Variants in CCDC83 observed in about 807,000 individuals in gnomAD.
The protein encoded by CCDC83 is coiled-coil domain containing 83.
Under a neutral mutation model 50.1 loss-of-function variants are expected in CCDC83, and 54 were observed. That is an observed-to-expected ratio of 1.08 (90% CI 0.87 to 1.35). CCDC83 has a LOEUF of 1.35. Among genes scored for constraint, CCDC83 ranks in the 40% most tolerant of loss-of-function variants. CCDC83 has a pLI of 0.00. For missense variants in CCDC83, 518 were observed against 473.9 expected, an observed-to-expected ratio of 1.09 and a Z score of -0.86; for synonymous variants, 161 against 153.3, an observed-to-expected ratio of 1.05 and a Z score of -0.37.
intron 5 of CCDC83, 140 bp downstream of exon 5, chr11:85,886,507 A>G (rs1205607749): frequency 3.6e-6 from 2 of 560,398 alleles, no homozygotes; most frequent in East Asian, 7.0e-5. Flanking sequence ...CTAAGGGTAA[A>G]GGTGGAGGGA....
intron 7 of CCDC83, among the ~76,000 whole-genome samples, chr11:85,908,600 TA>T (rs2093436864): frequency 7.6e-6 from 1 of 131,280 alleles, no homozygotes; most frequent in Admixed American, 7.8e-5. Flanking sequence ...GATAGATAGA[TA>T]GATAGATAGA....
In CCDC83 at chr11:85,895,291, A is replaced by G. The variant is rs1288662662; in HGVS notation, c.512-2A>G. 1 of 821,966 alleles carries G rather than the reference A, an allele frequency of 1.2e-6. No homozygotes were observed. Among genetic ancestry groups the G allele is most frequent in the Non-Finnish European group, 1.9e-6 (1 of 532,110 alleles). The allele number at this position is 821,966 out of a possible 1,614,324, so 50.9% of individuals were successfully genotyped here. ...TTTTTTTTTTTTTTTTTTTTTTTAA[A>G]GAACACTATAAAATCACTCTGGAAG... On this transcript the variant is annotated splice_acceptor_variant, in intron 5 of 10. Coordinates refer to ENST00000342404, the MANE Select transcript of CCDC83 (RefSeq NM_001286159.2). LOFTEE classifies it high-confidence loss of function.
At chr11:85,908,857 T>C (rs1331342905) in intron 7 of CCDC83, among the ~76,000 whole-genome samples, 3 of 151,852 alleles carry the variant, frequency 2.0e-5, no homozygotes, top group Non-Finnish European at 4.4e-5. Context: ...GAAGCTAAAG[T>C]GAAGCTGAGA....
intron 10 of CCDC83, chr11:85,916,600 T>G (rs2093478166): frequency 3.6e-6 from 1 of 279,074 alleles, no homozygotes. Flanking sequence ...GGACTCTCAG[T>G]CAGTTGCAAC....
intron 5 of CCDC83, among the ~76,000 whole-genome samples, chr11:85,891,956 C>A (rs546756297): frequency 1.3e-5 from 2 of 152,160 alleles, no homozygotes; most frequent in East Asian, 1.9e-4. Flanking sequence ...TGAGTTGGGG[C>A]GGCTCTAAAA....
intron 1 of CCDC83, among the ~76,000 whole-genome samples, chr11:85,863,942 A>T (rs2093192365): frequency 6.6e-6 from 1 of 152,204 alleles, no homozygotes. Flanking sequence ...AGGTGCTTTA[A>T]ATATTAGCTT....
intron 2 of CCDC83, among the ~76,000 whole-genome samples, chr11:85,870,569 A>G (rs1184957202): frequency 2.0e-5 from 3 of 152,146 alleles, no homozygotes; most frequent in African/African-American, 4.8e-5. Flanking sequence ...AGATGAGCCA[A>G]GTGTCGTGGT....
chr11:85,882,474 A>C (rs1259522376), intron 3 of CCDC83, 39 bp from the exon 4 acceptor site: 1 of 1,602,826 alleles, frequency 6.2e-7, no homozygotes, highest in Admixed American at 1.7e-5. Context: ...TAGTGTACAT[A>C]GTTGATCAAA....
intron 4 of CCDC83, among the ~76,000 whole-genome samples, 167 bp from the exon 5 acceptor site, chr11:85,886,033 G>C (rs1370832111): frequency 6.6e-6 from 1 of 152,130 alleles, no homozygotes; most frequent in East Asian, 1.9e-4. Context: ...AGGGGAGATA[G>C]ATAAACAACA....
At chr11:85,875,880 T>G (rs1294579397) in intron 3 of CCDC83, among the ~76,000 whole-genome samples, 1 of 152,202 alleles carries the variant, frequency 6.6e-6, no homozygotes, top group Non-Finnish European at 1.5e-5. Flanking sequence ...TTGCTCCACC[T>G]ACCTCATTAG....
At chr11:85,901,634 C>A (rs1402606534) in intron 7 of CCDC83, among the ~76,000 whole-genome samples, 4 of 126,324 alleles carry the variant, frequency 3.2e-5, no homozygotes, top group South Asian at 2.3e-4. Context: ...CAGGGAAGAC[C>A]ACAATACAAA....
In CCDC83 at chr11:85,886,112, T is replaced by C. The variant is rs185087950; in HGVS notation, c.344-88T>C. 547 of 958,546 alleles carry C rather than the reference T, an allele frequency of 5.7e-4. 7 individuals carry two copies. The African/African-American group carries it at 7.9e-3, about 14-fold the overall frequency. 59.4% of individuals were successfully genotyped at this position (958,546 alleles called of 1,614,324 possible). A position where few individuals can be genotyped will look rare whatever the true frequency, so the allele number is the denominator to read the frequency against. Reference sequence around the variant, plus strand: ...TATTTATGAGTTAACAGTATTTTAATATCAGATCTTAACTTCTTAAAACCA... The same window carrying C: ...TATTTATGAGTTAACAGTATTTTAACATCAGATCTTAACTTCTTAAAACCA... On this transcript the variant is annotated intron_variant, in intron 4 of 10. Transcript: ENST00000342404.
intron 1 of CCDC83, among the ~76,000 whole-genome samples, chr11:85,861,672 T>C (rs557485392): frequency 6.6e-6 from 1 of 152,114 alleles, no homozygotes; most frequent in Non-Finnish European, 1.5e-5. Context: ...AAAGGAGTCA[T>C]TGGGAGGCTT....
intron 7 of CCDC83, among the ~76,000 whole-genome samples, chr11:85,908,929 T>C (rs1346122640): frequency 1.3e-5 from 2 of 151,866 alleles, no homozygotes; most frequent in Admixed American, 6.6e-5. Context: ...TTTGGTTTTT[T>C]TGGTTTTTTG....
intron 3 of CCDC83, among the ~76,000 whole-genome samples, chr11:85,874,555 G>C (rs1215912373): frequency 1.3e-5 from 2 of 152,208 alleles, no homozygotes; most frequent in African/African-American, 4.8e-5. Context: ...CTACAACTCT[G>C]TATCTGAATA....
chr11:85,857,406 G>A (rs2093148147), intron 1 of CCDC83, among the ~76,000 whole-genome samples: 1 of 152,204 alleles, frequency 6.6e-6, no homozygotes, highest in Non-Finnish European at 1.5e-5. Flanking sequence ...AAACAGAGGA[G>A]GAGTACCTGT....
intron 1 of CCDC83, among the ~76,000 whole-genome samples, chr11:85,862,213 G>A (rs2093180509): frequency 6.6e-6 from 1 of 151,974 alleles, no homozygotes; most frequent in Admixed American, 6.6e-5. Context: ...AGAGGCGTTT[G>A]GGAAATATTT....
At chr11:85,880,899 T>C (rs1473006045) in intron 3 of CCDC83, among the ~76,000 whole-genome samples, 2 of 152,200 alleles carry the variant, frequency 1.3e-5, no homozygotes, top group African/African-American at 2.4e-5. Flanking sequence ...AGTCTAAACA[T>C]GAAATTCATT....
chr11:85,894,706 T>G (rs2093364677), intron 5 of CCDC83, among the ~76,000 whole-genome samples: 1 of 152,182 alleles, frequency 6.6e-6, no homozygotes, highest in Non-Finnish European at 1.5e-5. Flanking sequence ...ATTTGCAGTG[T>G]CTTACATACT....
Sources: gnomAD v4.1 joint callset for allele counts (sites outside exome capture counted in the v4.1 genomes callset) on GRCh38, gnomAD v4.1.1 for gene constraint, MANE v1.5 for transcripts, NCBI Gene and HGNC (gene_info 2026-07-23, HGNC 2026-07-21) for gene names.